LINGO2: variants seen among roughly 807,000 people sequenced by gnomAD.
LINGO2 encodes the protein leucine rich repeat and Ig domain containing 2.
LINGO2 carries 14 observed loss-of-function variants against 30.6 expected under a neutral mutation model. That is an observed-to-expected ratio of 0.46 (90% CI 0.30 to 0.72). The LOEUF is 0.72. Ranked by LOEUF, LINGO2 falls within the 30% of genes least tolerant of loss-of-function variation. The pLI, the probability that LINGO2 is intolerant of heterozygous loss-of-function variation, is 0.07. For missense variants in LINGO2, 729 were observed against 751.7 expected, an observed-to-expected ratio of 0.97 and a Z score of 0.35; for synonymous variants, 317 against 288.5, an observed-to-expected ratio of 1.10 and a Z score of -1.00.
the LINGO2 span, among the ~76,000 whole-genome samples, chr9:28,923,989 CT>C: frequency 6.6e-6 from 1 of 152,146 alleles, no homozygotes; most frequent in East Asian, 1.9e-4. Context: ...GTCTAGAAAA[CT>C]TTGCTTTTTA....
At chr9:28,866,966 C>A in the LINGO2 span, among the ~76,000 whole-genome samples, 2 of 152,222 alleles carry the variant, frequency 1.3e-5, no homozygotes. Context: ...TTGTATCTTA[C>A]ATTTTTCAAC....
chr9:28,614,983 G>T (rs1372850838), intron 1 of LINGO2, among the ~76,000 whole-genome samples: 1 of 152,012 alleles, frequency 6.6e-6, no homozygotes, highest in Non-Finnish European at 1.5e-5. Context: ...ATTTAATATT[G>T]AATAAATATA....
chr9:29,066,839 G>C, the LINGO2 span, among the ~76,000 whole-genome samples: 1 of 151,614 alleles, frequency 6.6e-6, no homozygotes, highest in Non-Finnish European at 1.5e-5. Flanking sequence ...TTTTGCTTTT[G>C]GAAATGAAAA....
At chr9:28,760,062 A>G in the LINGO2 span, among the ~76,000 whole-genome samples, 1 of 152,106 alleles carries the variant, frequency 6.6e-6, no homozygotes, top group South Asian at 2.1e-4. Context: ...ATAATAAAAT[A>G]TTATAAATGT....
chr9:28,651,351 T>C (rs936663945), intron 1 of LINGO2, among the ~76,000 whole-genome samples: 1 of 152,090 alleles, frequency 6.6e-6, no homozygotes, highest in African/African-American at 2.4e-5. Context: ...TTTAATAGGC[T>C]TAGAAATTAA....
At chr9:28,365,139 G>C (rs1820610449) in intron 3 of LINGO2, among the ~76,000 whole-genome samples, 1 of 152,182 alleles carries the variant, frequency 6.6e-6, no homozygotes, top group African/African-American at 2.4e-5. Flanking sequence ...ACAGAGGAGG[G>C]AGAGATATTC....
chr9:28,701,369 C>A, the LINGO2 span, among the ~76,000 whole-genome samples: 2 of 151,804 alleles, frequency 1.3e-5, no homozygotes, highest in Non-Finnish European at 2.9e-5. Flanking sequence ...TTATTTTGGC[C>A]ATGGATATCC....
At chr9:29,054,731 A>C in the LINGO2 span, among the ~76,000 whole-genome samples, 3 of 152,206 alleles carry the variant, frequency 2.0e-5, no homozygotes, top group Non-Finnish European at 4.4e-5. Flanking sequence ...AAGTAATAGA[A>C]TATCCATTGG....
intron 1 of LINGO2, among the ~76,000 whole-genome samples, chr9:28,568,043 G>A (rs529489923): frequency 6.6e-6 from 1 of 151,952 alleles, no homozygotes; most frequent in Non-Finnish European, 1.5e-5. Context: ...CAAATAGCAG[G>A]GAACTGAAGT....
chr9:28,589,844 G>C (rs1302102431), intron 1 of LINGO2, among the ~76,000 whole-genome samples: 4 of 151,984 alleles, frequency 2.6e-5, no homozygotes, highest in Non-Finnish European at 5.9e-5. Context: ...GCATTGCCAA[G>C]ACAATCCTAA....
intron 5 of LINGO2, among the ~76,000 whole-genome samples, chr9:27,967,655 C>G (rs1358351373): frequency 6.6e-6 from 1 of 152,138 alleles, no homozygotes; most frequent in Non-Finnish European, 1.5e-5. Context: ...TATTGTCTAT[C>G]TATCTATTTA....
intron 1 of LINGO2, among the ~76,000 whole-genome samples, chr9:28,560,854 T>C (rs1823015380): frequency 6.6e-6 from 1 of 151,832 alleles, no homozygotes; most frequent in Non-Finnish European, 1.5e-5. Context: ...TGTGTGTTTT[T>C]GGTAGAGATG....
chr9:28,004,341 T>C (rs1189428151), intron 5 of LINGO2, among the ~76,000 whole-genome samples: 7 of 152,182 alleles, frequency 4.6e-5, no homozygotes, highest in African/African-American at 1.4e-4. Flanking sequence ...CATTAAAAGG[T>C]AGAGATTTTT....
the LINGO2 span, among the ~76,000 whole-genome samples, chr9:28,700,859 T>C: frequency 6.6e-6 from 1 of 152,078 alleles, no homozygotes; most frequent in Non-Finnish European, 1.5e-5. Context: ...AGGTATGTAG[T>C]GGTAACTCCT....
intron 4 of LINGO2, among the ~76,000 whole-genome samples, chr9:28,137,447 C>A (rs1396795256): frequency 3.9e-5 from 6 of 152,058 alleles, no homozygotes; most frequent in Non-Finnish European, 8.8e-5. Flanking sequence ...TAAAGCCAGG[C>A]CTAGGAAATT....
the LINGO2 span, among the ~76,000 whole-genome samples, chr9:29,111,204 C>T: frequency 6.6e-6 from 1 of 152,050 alleles, no homozygotes; most frequent in South Asian, 2.1e-4. Flanking sequence ...GCTAAAGTAA[C>T]CTGTTTTGTG....
intron 4 of LINGO2, among the ~76,000 whole-genome samples, chr9:28,238,816 T>A (rs911672511): frequency 1.9e-4 from 10 of 51,592 alleles, no homozygotes; most frequent in Non-Finnish European, 2.8e-4. Flanking sequence ...AAATTTGAAA[T>A]GAAAATAAAT....
chr9:29,183,395 C>T, the LINGO2 span, among the ~76,000 whole-genome samples: 17 of 152,244 alleles, frequency 1.1e-4, no homozygotes, highest in African/African-American at 2.4e-4. Flanking sequence ...GAAGACCAGC[C>T]GGATGGTGCC....
chr9:28,533,445 C>A (rs527963630), intron 1 of LINGO2, among the ~76,000 whole-genome samples: 2 of 152,234 alleles, frequency 1.3e-5, no homozygotes, highest in East Asian at 3.9e-4. Flanking sequence ...TGCACACATC[C>A]ATCTATCCTG....
Sources: allele counts gnomAD v4.1 joint callset (sites outside exome capture counted in the v4.1 genomes callset), GRCh38; gene constraint gnomAD v4.1.1; transcripts MANE v1.5; gene names NCBI Gene and HGNC (gene_info 2026-07-23, HGNC 2026-07-21).